Variants in MYOZ2 observed in about 807,000 individuals in gnomAD.
MYOZ2 encodes the protein myozenin 2.
In MYOZ2, 19 loss-of-function variants were observed where a neutral mutation model predicts 25.4. That is an observed-to-expected ratio of 0.75 (90% CI 0.52 to 1.10). The LOEUF (loss-of-function observed/expected upper bound fraction) is 1.10. Ranked by LOEUF, MYOZ2 falls within the 50% of genes least tolerant of loss-of-function variation. The pLI is 0.00. For missense variants in MYOZ2, 270 were observed against 317.9 expected, an observed-to-expected ratio of 0.85 and a Z score of 1.15; for synonymous variants, 92 against 106.9, an observed-to-expected ratio of 0.86 and a Z score of 0.86.
chr4:119,176,867 G>A (rs865804928), intron 5 of MYOZ2, among the ~76,000 whole-genome samples: 4 of 152,240 alleles, frequency 2.6e-5, no homozygotes, highest in Middle Eastern at 3.4e-3. Flanking sequence ...ATTATCTTGA[G>A]CTCTTGTCAA....
Position 119,141,597 on chromosome 4 carries a change from A to T in MYOZ2, c.76+4996A>T, listed in dbSNP as rs575512161. Among the ~76,000 whole-genome samples, 332 of 152,174 alleles carry T rather than the reference A, an allele frequency of 2.2e-3. 2 individuals carry two copies. Among genetic ancestry groups the T allele is most frequent in the Non-Finnish European group, 3.9e-3 (265 of 67,980 alleles). ...ACATTTTGCCATGTTGGCAGGGCTGATCTCAAACTCCTGACCTCAGGTGAT... is the reference window on the plus strand; with the variant it reads ...ACATTTTGCCATGTTGGCAGGGCTGTTCTCAAACTCCTGACCTCAGGTGAT... On this transcript the variant is annotated intron_variant, in intron 2 of 5. Coordinates refer to ENST00000307128, the MANE Select transcript of MYOZ2 (RefSeq NM_016599.5).
chr4:119,162,386 C>T (rs1741729467), intron 4 of MYOZ2, among the ~76,000 whole-genome samples: 1 of 152,084 alleles, frequency 6.6e-6, no homozygotes, highest in Non-Finnish European at 1.5e-5. Context: ...AAGAGCTGGC[C>T]AGTTAGGAAG....
chr4:119,157,600 A>G (rs1027151295), intron 3 of MYOZ2, among the ~76,000 whole-genome samples: 1 of 152,222 alleles, frequency 6.6e-6, no homozygotes, highest in Non-Finnish European at 1.5e-5. Context: ...GCCCAAATAT[A>G]AATACAATGG....
intron 2 of MYOZ2, among the ~76,000 whole-genome samples, chr4:119,150,226 A>G (rs542751419): frequency 3.0e-4 from 46 of 152,202 alleles, no homozygotes; most frequent in Non-Finnish European, 6.5e-4. Context: ...AAACAAATAA[A>G]ACAAAATCAA....
At chr4:119,138,886 CGGTGA>C (rs1380429392) in intron 2 of MYOZ2, among the ~76,000 whole-genome samples, 2 of 152,120 alleles carry the variant, frequency 1.3e-5, no homozygotes, top group South Asian at 2.1e-4. Flanking sequence ...AGATTGCAGC[CGGTGA>C]GTCTTTGAGA....
rs760934716 is a variant in MYOZ2, at chr4:119,158,120, A to G, written c.345A>G (p.Arg115=). Residue 115 remains arginine, a synonymous_variant, in exon 4 of 6, where the codon CGA becomes CGG. Coordinates refer to ENST00000307128, the MANE Select transcript of MYOZ2 (RefSeq NM_016599.5). The part of the protein sequence containing the change: ...PLTPPNTPDP[R]SPPNPDNIAP... The stretch of plus-strand genomic sequence containing the variant: ...CTCCTCCCAACACCCCAGATCCACG[A>G]AGCCCTCCAAATCCAGACAACATTG... 7 of 1,614,106 alleles carry G rather than the reference A, an allele frequency of 4.3e-6. No homozygotes were observed. The highest frequency in any genetic ancestry group is 5.9e-6 in the Non-Finnish European group (7 of 1,179,994).
At chr4:119,148,769 C>CAAAAA (rs372182068) in intron 2 of MYOZ2, among the ~76,000 whole-genome samples, 3 of 77,398 alleles carry the variant, frequency 3.9e-5, no homozygotes, top group Non-Finnish European at 7.4e-5. Context: ...GAGTCATTGG[C>CAAAAA]AAAAAAAAAA....
At chr4:119,162,466 T>C (rs1210543625) in intron 4 of MYOZ2, among the ~76,000 whole-genome samples, 1 of 152,124 alleles carries the variant, frequency 6.6e-6, no homozygotes, top group Non-Finnish European at 1.5e-5. Flanking sequence ...GTTGAAGCTG[T>C]GGCAAACACC....
intron 5 of MYOZ2, among the ~76,000 whole-genome samples, chr4:119,167,087 G>T (rs1325973591): frequency 5.9e-5 from 9 of 152,228 alleles, no homozygotes; most frequent in Non-Finnish European, 1.3e-4. Context: ...GAAATGATTA[G>T]ACAGTGAGGA....
intron 2 of MYOZ2, among the ~76,000 whole-genome samples, chr4:119,137,523 C>T (rs1741058996): frequency 1.3e-5 from 2 of 151,982 alleles, no homozygotes; most frequent in Admixed American, 6.6e-5. Flanking sequence ...GCTTGAGACC[C>T]GGGAAGAGTA....
chr4:119,150,847 T>A, intron 2 of MYOZ2, 25 bp from the exon 3 acceptor site: 1 of 1,608,802 alleles, frequency 6.2e-7, no homozygotes, highest in Non-Finnish European at 8.5e-7. Context: ...TTGGGATTTT[T>A]ACTCATATGA....
At chr4:119,178,724 A>G (rs1742129518) in intron 5 of MYOZ2, among the ~76,000 whole-genome samples, 1 of 152,066 alleles carries the variant, frequency 6.6e-6, no homozygotes, top group African/African-American at 2.4e-5. Context: ...CTGCTGCCTC[A>G]GCCTCCCGAG....
rs571716707 is a variant in MYOZ2 at position 119,172,682 on chromosome 4, T to A, written c.560+8288T>A. ...ATAACTTCTGATCTTGTGGCTGATT[T>A]GTTAGTTCTGCAAGAGCAATCTAGT... On this transcript the variant is annotated intron_variant, in intron 5 of 5. Transcript: ENST00000307128. Among the ~76,000 whole-genome samples, 6 of 152,324 alleles carry A rather than the reference T, an allele frequency of 3.9e-5. 1 individual carries two copies. In the South Asian group the frequency reaches 8.3e-4, roughly 21 times the overall value.
chr4:119,167,705 G>T (rs1741855210), intron 5 of MYOZ2, among the ~76,000 whole-genome samples: 1 of 152,200 alleles, frequency 6.6e-6, no homozygotes, highest in South Asian at 2.1e-4. Flanking sequence ...TGGTGAATTT[G>T]AGTTGAGTTG....
chr4:119,163,583 C>T (rs1409717740), intron 4 of MYOZ2, among the ~76,000 whole-genome samples: 1 of 152,076 alleles, frequency 6.6e-6, no homozygotes, highest in East Asian at 1.9e-4. Flanking sequence ...AGATCAGAAG[C>T]AGAAAAGCTA....
At chr4:119,153,632 T>A (rs1343538643) in intron 3 of MYOZ2, among the ~76,000 whole-genome samples, 4 of 152,130 alleles carry the variant, frequency 2.6e-5, no homozygotes, top group African/African-American at 7.2e-5. Context: ...TTTATATATT[T>A]CTTATTCTAG....
At chr4:119,150,740 G>C in intron 2 of MYOZ2, 132 bp from the exon 3 acceptor site, 1 of 886,592 alleles carries the variant, frequency 1.1e-6, no homozygotes, top group South Asian at 1.6e-5. Context: ...AGGAACTGAG[G>C]TTTAGAGAAA....
intron 2 of MYOZ2, among the ~76,000 whole-genome samples, chr4:119,146,041 CTGTT>C (rs745875120): frequency 1.3e-5 from 2 of 152,096 alleles, no homozygotes; most frequent in African/African-American, 4.8e-5. Context: ...TTCTTATTAT[CTGTT>C]TGCTATCTGC....
chr4:119,165,757 T>C (rs1404220897), intron 5 of MYOZ2, among the ~76,000 whole-genome samples: 1 of 151,882 alleles, frequency 6.6e-6, no homozygotes. Context: ...AAATGGAAAT[T>C]AATGGAATAA....
Sources: gnomAD v4.1 joint callset for allele counts (sites outside exome capture counted in the v4.1 genomes callset) on GRCh38, gnomAD v4.1.1 for gene constraint, MANE v1.5 for transcripts, NCBI Gene and HGNC (gene_info 2026-07-23, HGNC 2026-07-21) for gene names.